MYO19: variants seen among roughly 807,000 people sequenced by gnomAD.
MYO19 encodes the protein unconventional myosin-XIX.
MYO19 carries 132 observed loss-of-function variants against 129.2 expected under a neutral mutation model. That is an observed-to-expected ratio of 1.02 (90% CI 0.89 to 1.18). The LOEUF (loss-of-function observed/expected upper bound fraction) is 1.18, where lower values mean the gene tolerates loss of function less well. MYO19 is among the 50% of genes most tolerant of loss of function. The pLI, the probability that MYO19 is intolerant of heterozygous loss-of-function variation, is 0.00. For synonymous variants in MYO19, 531 were observed against 477.2 expected, an observed-to-expected ratio of 1.11 and a Z score of -1.47; for missense variants, 1,210 against 1,216.7, an observed-to-expected ratio of 0.99 and a Z score of 0.08.
chr17:36,541,931 A>C (rs1328543670), intron 2 of MYO19: 1 of 152,230 alleles, frequency 6.6e-6, no homozygotes, highest in Non-Finnish European at 1.5e-5. Flanking sequence ...ACTTTGAAAA[A>C]TTATTTTGCC....
At chr17:36,499,389 G>A (rs972732307) in intron 23 of MYO19, 7 of 349,010 alleles carry the variant, frequency 2.0e-5, no homozygotes, top group African/African-American at 1.2e-4. Context: ...ACACAGTGAA[G>A]GGGCACTGGG....
In MYO19 at chr17:36,505,293, T is replaced by TTAC. The variant is rs764033891; in HGVS notation, c.1905+1_1905+3dup. 6.2e-6 allele frequency: 10 copies of TTAC among 1,613,804 alleles called. No homozygotes were observed. In the Admixed American group the frequency reaches 1.7e-4, roughly 27 times the overall value. On this transcript the variant is annotated splice_donor_region_variant and intron_variant, in intron 19 of 25. Coordinates refer to ENST00000614623, the MANE Select transcript of MYO19 (RefSeq NM_001163735.2). ...CGAAGCAGCTTTGGCCCGGTGTTAA[T>TTAC]TACCTCCTCTTGGAGAAAGGTCTGC...
chr17:36,530,321 GTTC>G (rs1360976025), intron 3 of MYO19, among the ~76,000 whole-genome samples: 2 of 152,028 alleles, frequency 1.3e-5, no homozygotes, highest in African/African-American at 4.8e-5. Context: ...ATTATTTAAA[GTTC>G]TTTTCTGTAA....
chr17:36,527,705 G>A lies in MYO19; in HGVS notation c.152-6C>T, dbSNP rs2073566833. The A allele has an allele frequency of 1.9e-6, 3 of 1,606,688 alleles. No homozygotes were observed. The highest frequency in any genetic ancestry group is 2.6e-6 in the Non-Finnish European group (3 of 1,176,378). ...GGCCTGCAGGCACCTCAGGACTGAG[G>A]CAGAGATGCCTTTAGCAAACTCGGG... On this transcript the variant is annotated splice_region_variant and splice_polypyrimidine_tract_variant and intron_variant, in intron 4 of 25. Coordinates refer to ENST00000614623, the MANE Select transcript of MYO19 (RefSeq NM_001163735.2).
chr17:36,498,827 C>CA (rs1312799087), intron 24 of MYO19: 2 of 593,824 alleles, frequency 3.4e-6, no homozygotes, highest in African/African-American at 1.9e-5. Flanking sequence ...ACCCAGTCTT[C>CA]TAAAGTGTAC....
At chr17:36,521,148 C>T (rs972361689) in intron 6 of MYO19, among the ~76,000 whole-genome samples, 24 of 152,122 alleles carry the variant, frequency 1.6e-4, no homozygotes, top group Non-Finnish European at 2.8e-4. Context: ...AATAAGCTCA[C>T]GGGAAAAGTT....
At chr17:36,542,781 T>C (rs543536370) in intron 1 of MYO19, among the ~76,000 whole-genome samples, 26 of 152,042 alleles carry the variant, frequency 1.7e-4, no homozygotes, top group Non-Finnish European at 3.5e-4. Flanking sequence ...GGCCACAGTA[T>C]CTTGGCTCAC....
intron 20 of MYO19, among the ~76,000 whole-genome samples, chr17:36,503,677 T>A (rs1019340333): frequency 6.6e-6 from 1 of 152,226 alleles, no homozygotes; most frequent in African/African-American, 2.4e-5. Flanking sequence ...TTCCTCCCAA[T>A]TGCTTGTCAG....
At position 36,513,697 on chromosome 17, in the gene MYO19, C is replaced by T; in HGVS notation, c.749G>A (p.Arg250Lys). Residue 250 changes from arginine to lysine, a missense_variant, in exon 10 of 26, where the codon AGG (arginine) becomes AAG (lysine). Physicochemically the swap from Arg to Lys is conservative, Grantham distance 26. Transcript: ENST00000614623. ...TCCCTCAGGAAGGTGCCACTGGAGC[C>T]TCTCGTCCTCACTGGCTCCTTTGCA... ...QICKGASEDE[R>K]LQWHLPEGAA... The T allele has an allele frequency of 6.2e-7, 1 of 1,613,816 alleles. No individual in the cohort carries two copies. The highest frequency in any genetic ancestry group is 8.5e-7 in the Non-Finnish European group (1 of 1,179,836).
Position 36,505,364 on chromosome 17 carries a change from G to A in MYO19, c.1838C>T (p.Thr613Met), listed in dbSNP as rs778704464. Reference sequence around the variant, plus strand: ...CTTGATGCAGCGAATGTAGTGGGGCGTGGTGCTGTGTAGGACCTGCAGAAG... The same window carrying A: ...CTTGATGCAGCGAATGTAGTGGGGCATGGTGCTGTGTAGGACCTGCAGAAG... ...EQLLQVLHST[T>M]PHYIRCIKPN... is the part of the protein sequence containing the mutation. Residue 613 changes from threonine (T) to methionine (M), a missense_variant, in exon 19 of 26, where the codon ACG becomes ATG. Coordinates refer to ENST00000614623, the MANE Select transcript of MYO19 (RefSeq NM_001163735.2). 2.2e-5 allele frequency: 35 copies of A among 1,614,126 alleles called. No individual in the cohort carries two copies. The highest frequency in any genetic ancestry group is 1.7e-4 in the African/African-American group (13 of 74,948).
chr17:36,513,443 T>C lies in MYO19; in HGVS notation c.880A>G (p.Asn294Asp), dbSNP rs376675639. ...LHLGIDTPTQ[N>D]NIFKVLAGLL... The stretch of plus-strand genomic sequence containing the variant: ...TTTCTTCTGACCTTAAAGATGTTGT[T>C]CTGGGTAGGGGTGTCAATGCCCAAA... Residue 294 changes from asparagine to aspartate, a missense_variant, in exon 11 of 26, where the codon AAC becomes GAC. Physicochemically the swap from Asn to Asp is conservative, Grantham distance 23 (BLOSUM62 1). Transcript: ENST00000614623. 7.4e-6 allele frequency: 12 copies of C among 1,613,920 alleles called. No homozygotes were observed. The highest frequency in any genetic ancestry group is 7.6e-6 in the Non-Finnish European group (9 of 1,179,896).
At chr17:36,537,800 A>T, upstream of MYO19, 1 of 1,614,146 alleles carries the variant, frequency 6.2e-7, no homozygotes, top group Non-Finnish European at 8.5e-7. Flanking sequence ...CAGAGTATGG[A>T]GTTCACTGGA....
rs57765074 is a variant in MYO19 at position 36,512,196 on chromosome 17, AACACACACACACAC to A, written c.895-755_895-742del. Among the ~76,000 whole-genome samples the A allele has an allele frequency of 2.1e-3, 294 of 138,212 alleles. 2 individuals carry two copies. Among genetic ancestry groups the A allele is most frequent in the South Asian group, 6.6e-3 (28 of 4,262 alleles). 90.7% of individuals were successfully genotyped at this position (138,212 alleles called of 152,430 possible). ...TGAACCTCCATCTCTACTAAAAATA[AACACACACACACAC>A]ACACACACACACACACACACACACA... On this transcript the variant is annotated intron_variant, in intron 11 of 25. Transcript: ENST00000614623.
At chr17:36,503,360 C>T (rs1211297249) in intron 20 of MYO19, among the ~76,000 whole-genome samples, 160 bp from the exon 21 acceptor site, 1 of 152,184 alleles carries the variant, frequency 6.6e-6, no homozygotes, top group Non-Finnish European at 1.5e-5. Context: ...GGTTTTGAAG[C>T]GATTTCTAGG....
chr17:36,499,288 G>A (rs992631511), intron 23 of MYO19, 128 bp from the exon 24 acceptor site: 10 of 613,570 alleles, frequency 1.6e-5, no homozygotes, highest in Non-Finnish European at 2.8e-5. Context: ...TCAATAAATT[G>A]CTACAAATAA....
intron 6 of MYO19, among the ~76,000 whole-genome samples, chr17:36,520,648 C>T (rs1161167662): frequency 6.6e-6 from 1 of 152,202 alleles, no homozygotes; most frequent in Non-Finnish European, 1.5e-5. Flanking sequence ...GTGAAGATGA[C>T]AGTGATGAAG....
At chr17:36,528,023 C>A in intron 4 of MYO19, 41 bp downstream of exon 4, 1 of 1,594,180 alleles carries the variant, frequency 6.3e-7, no homozygotes, top group Non-Finnish European at 8.6e-7. Context: ...ACACCTCCAA[C>A]CTCCTGGAGA....
Position 36,507,404 on chromosome 17 carries a change from TTA to T in MYO19, c.1460_1461del (p.Ile487LysfsTer2). On this transcript the variant is annotated frameshift_variant, in exon 16 of 26. Transcript: ENST00000614623. LOFTEE classifies it high-confidence loss of function. ...EGSPISICSL[I>X]NEECRLNRPS... Reference sequence around the variant, plus strand: ...TCATTAGCTGACCTCCCCACCTCATTTATGAGGGAGCAGATGCTGATGGGGCT... The same window carrying T: ...TCATTAGCTGACCTCCCCACCTCATTTGAGGGAGCAGATGCTGATGGGGCT... 6.2e-7 allele frequency: 1 copy of T among 1,612,430 alleles called. No individual in the cohort carries two copies. The highest frequency in any genetic ancestry group is 8.5e-7 in the Non-Finnish European group (1 of 1,179,074).
upstream of MYO19, among the ~76,000 whole-genome samples, chr17:36,536,390 A>G (rs1299146531): frequency 6.6e-6 from 1 of 152,172 alleles, no homozygotes; most frequent in African/African-American, 2.4e-5. Flanking sequence ...TCATTAGTAA[A>G]TCCTATTCAA....
Sources: allele counts gnomAD v4.1 joint callset (sites outside exome capture counted in the v4.1 genomes callset), GRCh38; gene constraint gnomAD v4.1.1; transcripts MANE v1.5; gene names NCBI Gene and HGNC (gene_info 2026-07-23, HGNC 2026-07-21).